The following ATR variants were observed in gnomAD, a reference collection of about 807,000 sequenced individuals.
The protein encoded by ATR is serine/threonine-protein kinase ATR.
ATR carries 142 observed loss-of-function variants against 305.3 expected under a neutral mutation model. The observed-to-expected ratio is 0.47, with a 90% CI of 0.41 to 0.53. The LOEUF is 0.53. ATR is among the 20% of genes least tolerant of loss of function. The pLI, the probability that ATR is intolerant of heterozygous loss-of-function variation, is 0.00. For missense variants in ATR, 2,135 were observed against 3,133.1 expected (o/e 0.68, Z 7.60); for synonymous variants, 1,050 against 1,068.1 (o/e 0.98, Z 0.33).
rs544897794 is a variant in ATR, at chr3:142,486,543, A to G, written c.6079-1261T>C. 2.0e-4 allele frequency among the ~76,000 whole-genome samples: 31 copies of G among 152,160 alleles called. No individual in the cohort carries two copies. The South Asian group carries it at 6.2e-3, about 31-fold the overall frequency. ...TTATTTTGAAAAGTAAAATTCACAT[A>G]CTGAAAAATACACTAATATTACATT... On this transcript the variant is annotated intron_variant, in intron 35 of 46. Transcript: ENST00000350721.
intron 21 of ATR, 96 bp from the exon 22 acceptor site, chr3:142,524,295 C>T (rs770113044): frequency 6.0e-5 from 71 of 1,186,610 alleles, no homozygotes; most frequent in Admixed American, 9.6e-5. Context: ...GAATATCTAA[C>T]ATAAATATTG....
chr3:142,453,866 TA>T (rs2070843707), intron 45 of ATR, among the ~76,000 whole-genome samples: 2 of 152,228 alleles, frequency 1.3e-5, no homozygotes, highest in African/African-American at 4.8e-5. Flanking sequence ...TCTCCGTCTC[TA>T]CGGCCGTGAC....
chr3:142,467,794 C>A, intron 39 of ATR, 140 bp downstream of exon 39: 2 of 953,414 alleles, frequency 2.1e-6, no homozygotes, highest in South Asian at 2.2e-5. Flanking sequence ...ACAAATCATA[C>A]ATAATTAAAA....
Position 142,459,210 on chromosome 3 carries a change from T to C in ATR, c.7349+17A>G, listed in dbSNP as rs772135904. The C allele has an allele frequency of 7.4e-6, 12 of 1,613,780 alleles. No homozygotes were observed. The highest frequency in any genetic ancestry group is 1.6e-4 in the Middle Eastern group (1 of 6,084). On this transcript the variant is annotated intron_variant, in intron 43 of 46. Coordinates refer to ENST00000350721, the MANE Select transcript of ATR (RefSeq NM_001184.4). The stretch of plus-strand genomic sequence containing the variant: ...AACATTCAACCATAACAACGTATTA[T>C]ATTCTTGGTAACTTACCATGATGTA...
chr3:142,450,178 G>A (rs1349731313), intron 46 of ATR: 5 of 447,622 alleles, frequency 1.1e-5, no homozygotes, highest in South Asian at 2.1e-5. Flanking sequence ...ATCTGCCATC[G>A]ACTTTTCCGC....
At chr3:142,501,745 T>TATC (rs1349844797) in intron 30 of ATR, among the ~76,000 whole-genome samples, 1 of 151,986 alleles carries the variant, frequency 6.6e-6, no homozygotes, top group Non-Finnish European at 1.5e-5. Flanking sequence ...GAATGGCTAC[T>TATC]ATTATTATTA....
chr3:142,533,813 T>C (rs1049301859), intron 21 of ATR, among the ~76,000 whole-genome samples: 1 of 152,200 alleles, frequency 6.6e-6, no homozygotes, highest in Non-Finnish European at 1.5e-5. Flanking sequence ...CCCTTCTTAT[T>C]CTGTCTAGGT....
intron 46 of ATR, chr3:142,449,836 G>A: frequency 1.9e-6 from 1 of 540,462 alleles, no homozygotes; most frequent in Non-Finnish European, 3.3e-6. Flanking sequence ...TCTGGACTAC[G>A]TGAAATACCA....
At chr3:142,499,741 A>T in intron 30 of ATR, 23 bp from the exon 31 acceptor site, 1 of 1,597,776 alleles carries the variant, frequency 6.3e-7, no homozygotes, top group Non-Finnish European at 8.6e-7. Context: ...ACCCATATCA[A>T]CTAAACTTTA....
chr3:142,572,000 A>G (rs367554210), intron 1 of ATR, among the ~76,000 whole-genome samples: 2 of 151,482 alleles, frequency 1.3e-5, no homozygotes. Context: ...TCCTGACCTC[A>G]GGTAATCCGC....
At chr3:142,563,708 C>T (rs953277927) in intron 3 of ATR, among the ~76,000 whole-genome samples, 1 of 152,176 alleles carries the variant, frequency 6.6e-6, no homozygotes, top group Admixed American at 6.5e-5. Context: ...ACATCTCTCA[C>T]TTCAAATCAA....
chr3:142,471,264 T>G (rs1002075444), intron 36 of ATR, among the ~76,000 whole-genome samples: 1 of 152,216 alleles, frequency 6.6e-6, no homozygotes, highest in Non-Finnish European at 1.5e-5. Flanking sequence ...TCATCTATGT[T>G]GTACCATATG....
At chr3:142,578,151 G>A (rs1489775494) in intron 1 of ATR, among the ~76,000 whole-genome samples, 1 of 152,172 alleles carries the variant, frequency 6.6e-6, no homozygotes, top group African/African-American at 2.4e-5. Flanking sequence ...TCCAGCAAGT[G>A]ATGTCACTTG....
At chr3:142,557,590 T>G (rs370291173) in intron 8 of ATR, among the ~76,000 whole-genome samples, 1 of 152,086 alleles carries the variant, frequency 6.6e-6, no homozygotes, top group African/African-American at 2.4e-5. Context: ...AACACCAAAT[T>G]CAGAACAGTA....
Position 142,549,664 on chromosome 3 carries a change from G to A in ATR, c.2986C>T (p.Gln996Ter). 1.9e-6 allele frequency: 3 copies of A among 1,613,516 alleles called. No homozygotes were observed. The highest frequency in any genetic ancestry group is 2.5e-6 in the Non-Finnish European group (3 of 1,179,710). ...GCAGCAAGATCAGGTAGTAGAACTT[G>A]TAATGTCCTCTGAAAAAGAATGCAA... ...DLNRFLTRTL[Q>*]VLLPDLAAKA... Residue 996 changes from glutamine to a stop codon, truncating the protein, a stop_gained, in exon 15 of 47, where the codon CAA becomes TAA. Transcript: ENST00000350721. LOFTEE classifies it high-confidence loss of function.
intron 42 of ATR, among the ~76,000 whole-genome samples, chr3:142,461,734 CA>C (rs2071026361): frequency 6.6e-6 from 1 of 151,172 alleles, no homozygotes; most frequent in East Asian, 1.9e-4. Context: ...GGGATGAAGA[CA>C]GGGAAGGAAT....
chr3:142,570,549 G>A (rs1328333506), intron 1 of ATR, among the ~76,000 whole-genome samples: 2 of 152,148 alleles, frequency 1.3e-5, no homozygotes, highest in Non-Finnish European at 2.9e-5. Flanking sequence ...ACCACGCCTG[G>A]CTAATTTTGT....
rs965720545 is a variant in ATR, at chr3:142,465,319, T to C, written c.6898-79A>G. On this transcript the variant is annotated intron_variant, in intron 40 of 46. Coordinates refer to ENST00000350721, the MANE Select transcript of ATR (RefSeq NM_001184.4). ...TCTATATATTATAAACCTTGAGTTA[T>C]GTAAAAAAAAAAAAAGAATATTACC... 1.0e-4 allele frequency: 117 copies of C among 1,129,050 alleles called. 2 individuals are homozygous for C. Among genetic ancestry groups the C allele is most frequent in the Admixed American group, 9.4e-5 (4 of 42,552 alleles). 69.9% of individuals were successfully genotyped at this position (1,129,050 alleles called of 1,614,324 possible).
intron 36 of ATR, among the ~76,000 whole-genome samples, chr3:142,482,742 A>G (rs2030600698): frequency 6.6e-6 from 1 of 151,944 alleles, no homozygotes; most frequent in Non-Finnish European, 1.5e-5. Context: ...AGGCTGAGGC[A>G]GGAGGATCAC....
Sources: gnomAD v4.1 joint callset for allele counts (sites outside exome capture counted in the v4.1 genomes callset) on GRCh38, gnomAD v4.1.1 for gene constraint, MANE v1.5 for transcripts, NCBI Gene and HGNC (gene_info 2026-07-23, HGNC 2026-07-21) for gene names.